ANO1: variants seen among roughly 807,000 people sequenced by gnomAD.
The protein encoded by ANO1 is anoctamin-1.
ANO1 carries 59 observed loss-of-function variants against 124.0 expected under a neutral mutation model. That is an observed-to-expected ratio of 0.48 (90% CI 0.39 to 0.59). The LOEUF (loss-of-function observed/expected upper bound fraction) is 0.59, where lower values mean the gene tolerates loss of function less well. Among genes scored for constraint, ANO1 ranks in the 20% least tolerant of loss-of-function variants. ANO1 has a pLI of 0.00. For synonymous variants in ANO1, 529 were observed against 532.0 expected (o/e 0.99, Z 0.08); for missense variants, 1,059 against 1,328.0 (o/e 0.80, Z 3.15).
At chr11:70,026,168 A>T (rs893951596) in intron 1 of ANO1, among the ~76,000 whole-genome samples, 40 of 136,706 alleles carry the variant, frequency 2.9e-4, no homozygotes, top group African/African-American at 1.1e-3. Flanking sequence ...GATGGTGATG[A>T]TGGTGGTGGT....
chr11:70,165,197 G>A (rs1417509781), intron 19 of ANO1, among the ~76,000 whole-genome samples: 1 of 152,122 alleles, frequency 6.6e-6, no homozygotes, highest in Non-Finnish European at 1.5e-5. Context: ...TCTTCCCTCT[G>A]TGCCCGCGCC....
chr11:70,030,149 T>G (rs536120699), intron 1 of ANO1, among the ~76,000 whole-genome samples: 21 of 152,318 alleles, frequency 1.4e-4, no homozygotes, highest in Non-Finnish European at 2.5e-4. Flanking sequence ...AAGCGAAAGT[T>G]GCTCAGTCTC....
At chr11:70,126,255 C>G (rs1417368919) in intron 10 of ANO1, 60 bp downstream of exon 10, 20 of 1,554,712 alleles carry the variant, frequency 1.3e-5, no homozygotes, top group Admixed American at 5.5e-5. Context: ...TCCTGCCATC[C>G]CAGCTGCACA....
chr11:69,995,098 T>TTTTTG (rs1554998178), intron 1 of ANO1, among the ~76,000 whole-genome samples: 2 of 65,444 alleles, frequency 3.1e-5, no homozygotes, highest in African/African-American at 8.2e-5. Flanking sequence ...GCACTGTTTT[T>TTTTTG]TTTTTTTTTT....
chr11:70,044,640 C>T (rs971283304), intron 1 of ANO1, among the ~76,000 whole-genome samples: 14 of 152,250 alleles, frequency 9.2e-5, no homozygotes, highest in Middle Eastern at 3.4e-3. Context: ...AAAGCTAGTA[C>T]TGATAGTAAA....
At chr11:70,130,125 T>TC (rs2046687851) in intron 10 of ANO1, among the ~76,000 whole-genome samples, 2 of 151,944 alleles carry the variant, frequency 1.3e-5, no homozygotes, top group South Asian at 4.2e-4. Context: ...CACTTCAGCA[T>TC]CCCCCCACAT....
chr11:70,160,228 C>A (rs2047991366), intron 16 of ANO1, among the ~76,000 whole-genome samples: 1 of 152,114 alleles, frequency 6.6e-6, no homozygotes, highest in Non-Finnish European at 1.5e-5. Context: ...GACAAGACAG[C>A]CTGTGTCCTG....
Position 70,100,786 on chromosome 11 carries a change from C to G in ANO1, c.442-2280C>G, listed in dbSNP as rs533285483. Among the ~76,000 whole-genome samples the G allele has an allele frequency of 3.3e-5, 5 of 152,296 alleles. No individual in the cohort carries two copies. The South Asian group carries it at 1.0e-3, about 32-fold the overall frequency. ...TGCATGGAATGCACGCAGCAGGGAC[C>G]GGCACGGAACTGACATTGAGTGGAT... On this transcript the variant is annotated intron_variant, in intron 2 of 25. Coordinates refer to ENST00000355303, the MANE Select transcript of ANO1 (RefSeq NM_018043.7).
chr11:70,156,305 C>A (rs1322290030), intron 15 of ANO1, among the ~76,000 whole-genome samples: 1 of 152,148 alleles, frequency 6.6e-6, no homozygotes, highest in Non-Finnish European at 1.5e-5. Context: ...AACGAGTGGC[C>A]TCCGGTGTCA....
chr11:70,180,868 C>T (rs767367459), intron 23 of ANO1, among the ~76,000 whole-genome samples: 1 of 152,184 alleles, frequency 6.6e-6, no homozygotes, highest in Non-Finnish European at 1.5e-5. Flanking sequence ...GAAGGGAGCA[C>T]TCATCAGCCT....
chr11:70,104,226 G>A, intron 4 of ANO1, 76 bp downstream of exon 4: 10 of 1,458,540 alleles, frequency 6.9e-6, no homozygotes, highest in South Asian at 1.4e-5. Context: ...GAGAAATGCA[G>A]ATTGATTATC....
At chr11:70,125,479 G>A (rs1229500243) in intron 9 of ANO1, among the ~76,000 whole-genome samples, 1 of 149,374 alleles carries the variant, frequency 6.7e-6, no homozygotes, top group Non-Finnish European at 1.5e-5. Context: ...TTGTGCCACT[G>A]CGCTCCAGCC....
chr11:70,149,866 T>C, intron 12 of ANO1, 74 bp downstream of exon 12: 1 of 1,510,938 alleles, frequency 6.6e-7, no homozygotes, highest in Non-Finnish European at 9.1e-7. Context: ...CCTTGGGACT[T>C]ACACGGAGGC....
At chr11:69,975,950 C>T in the ANO1 span, among the ~76,000 whole-genome samples, 1 of 152,274 alleles carries the variant, frequency 6.6e-6, no homozygotes, top group South Asian at 2.1e-4. Flanking sequence ...CCCAGCCCTG[C>T]CCTTGGCCTT....
the ANO1 span, among the ~76,000 whole-genome samples, chr11:69,967,123 C>T: frequency 1.3e-5 from 2 of 152,228 alleles, no homozygotes; most frequent in Non-Finnish European, 2.9e-5. Flanking sequence ...GCACAGTCCA[C>T]CAGCTCCCTG....
chr11:70,173,459 G>A (rs1334898610), intron 22 of ANO1, among the ~76,000 whole-genome samples: 1 of 152,280 alleles, frequency 6.6e-6, no homozygotes, highest in Non-Finnish European at 1.5e-5. Flanking sequence ...AAAGCCATGA[G>A]CTAACCAACC....
intron 1 of ANO1, among the ~76,000 whole-genome samples, chr11:69,999,292 G>C (rs1403727593): frequency 6.6e-6 from 1 of 151,876 alleles, no homozygotes; most frequent in Non-Finnish European, 1.5e-5. Context: ...TTAAATAACT[G>C]AATCTCATGA....
At chr11:70,169,064 G>T (rs2048359165) in intron 21 of ANO1, among the ~76,000 whole-genome samples, 2 of 152,218 alleles carry the variant, frequency 1.3e-5, no homozygotes, top group South Asian at 4.1e-4. Context: ...CGGGGTCTGG[G>T]AGGTGGCTTC....
At chr11:69,979,428 C>T in the ANO1 span, among the ~76,000 whole-genome samples, 4 of 152,222 alleles carry the variant, frequency 2.6e-5, no homozygotes, top group Middle Eastern at 6.3e-3. Context: ...TTACCAGCTG[C>T]ATGGACTTGA....
Sources: allele counts gnomAD v4.1 joint callset (sites outside exome capture counted in the v4.1 genomes callset), GRCh38; gene constraint gnomAD v4.1.1; transcripts MANE v1.5; gene names NCBI Gene and HGNC (gene_info 2026-07-23, HGNC 2026-07-21).